Variants in ARFIP1 observed in about 807,000 individuals in gnomAD.
ARFIP1 encodes ARF interacting protein 1.
ARFIP1 carries 24 observed loss-of-function variants against 42.5 expected under a neutral mutation model. The observed-to-expected ratio is 0.57, with a 90% CI of 0.41 to 0.80. ARFIP1 has a LOEUF of 0.80. Among genes scored for constraint, ARFIP1 ranks in the 30% least tolerant of loss-of-function variants. ARFIP1 has a pLI of 0.00. For missense variants in ARFIP1, 354 were observed against 434.0 expected, an observed-to-expected ratio of 0.82 and a Z score of 1.64; for synonymous variants, 141 against 153.7, an observed-to-expected ratio of 0.92 and a Z score of 0.61.
At chr4:152,790,450 A>G (rs1487416248) in intron 1 of ARFIP1, among the ~76,000 whole-genome samples, 9 of 151,736 alleles carry the variant, frequency 5.9e-5, no homozygotes, top group African/African-American at 2.2e-4. Context: ...GAGTTAATTT[A>G]CAGCTAGTTT....
Position 152,889,518 on chromosome 4 carries a change from TATATATATATATATATAC to T in ARFIP1, c.966+1213_966+1230del, listed in dbSNP as rs1248475286. On this transcript the variant is annotated intron_variant, in intron 8 of 8. Coordinates refer to ENST00000353617, the MANE Select transcript of ARFIP1 (RefSeq NM_001025595.3). ...TTAGTCATATATATATATATATATA[TATATATATATATATATAC>T]ACCTATTTTTGTGTGTGTGTGTATA... 9.3e-4 allele frequency among the ~76,000 whole-genome samples: 80 copies of T among 85,846 alleles called. 2 individuals are homozygous for T. Among genetic ancestry groups the T allele is most frequent in the African/African-American group, 2.2e-3 (60 of 27,902 alleles). 56.3% of individuals were successfully genotyped at this position (85,846 alleles called of 152,430 possible).
chr4:152,887,573 A>T (rs1338415371), intron 7 of ARFIP1, among the ~76,000 whole-genome samples: 1 of 152,118 alleles, frequency 6.6e-6, no homozygotes, highest in Non-Finnish European at 1.5e-5. Flanking sequence ...TGCCACAATG[A>T]TTAATATTTT....
chr4:152,825,079 GAC>G (rs1261512578), intron 1 of ARFIP1, among the ~76,000 whole-genome samples: 2 of 151,610 alleles, frequency 1.3e-5, no homozygotes, highest in Non-Finnish European at 2.9e-5. Context: ...AATAATAGAT[GAC>G]ACAAACGAAT....
chr4:152,902,519 G>C (rs1737929567), intron 8 of ARFIP1, among the ~76,000 whole-genome samples: 1 of 152,074 alleles, frequency 6.6e-6, no homozygotes, highest in Admixed American at 6.6e-5. Flanking sequence ...GGGGTGGGCG[G>C]GGGGAGACTA....
At chr4:152,869,413 A>G (rs1734680220) in intron 3 of ARFIP1, among the ~76,000 whole-genome samples, 1 of 151,928 alleles carries the variant, frequency 6.6e-6, no homozygotes, top group South Asian at 2.1e-4. Flanking sequence ...GCTAGACATT[A>G]GCAACAATGT....
At chr4:152,796,191 A>G in intron 1 of ARFIP1, 1 of 771,168 alleles carries the variant, frequency 1.3e-6, no homozygotes, top group Non-Finnish European at 2.4e-6. Context: ...CCTCAGTGAC[A>G]GTCTTTAGTA....
intron 1 of ARFIP1, among the ~76,000 whole-genome samples, chr4:152,795,183 T>C (rs1314902578): frequency 6.6e-6 from 1 of 152,132 alleles, no homozygotes; most frequent in Non-Finnish European, 1.5e-5. Context: ...TGTTTGTTTG[T>C]TTGTTTGTTT....
chr4:152,824,823 A>G lies in ARFIP1; in HGVS notation c.-9-4802A>G, dbSNP rs1730686782. ...CTCCTCCAGAAGACTCCTCAATCAG[A>G]TAAATGAATTGAATAAAGTCTCAGT... On this transcript the variant is annotated intron_variant, in intron 1 of 8. Coordinates refer to ENST00000353617, the MANE Select transcript of ARFIP1 (RefSeq NM_001025595.3). Among the ~76,000 whole-genome samples, 3 of 152,212 alleles carry G rather than the reference A, an allele frequency of 2.0e-5. No individual in the cohort carries two copies. The South Asian group carries it at 6.2e-4, about 32-fold the overall frequency.
In ARFIP1 at chr4:152,892,186, C is replaced by T. The variant is rs1485665368; in HGVS notation, c.966+3879C>T. ...CCTCCCAAGCAGCTGGGACTACAGG[C>T]GCATGCCACCACATCCTGCTAGTCA... is the stretch of plus-strand genomic sequence containing the variant. On this transcript the variant is annotated intron_variant, in intron 8 of 8. Transcript: ENST00000353617. 2.6e-5 allele frequency among the ~76,000 whole-genome samples: 4 copies of T among 152,102 alleles called. No homozygotes were observed. In the East Asian group the frequency reaches 5.8e-4, roughly 22 times the overall value.
At chr4:152,788,707 C>T (rs530977821) in intron 1 of ARFIP1, among the ~76,000 whole-genome samples, 1 of 151,696 alleles carries the variant, frequency 6.6e-6, no homozygotes, top group East Asian at 1.9e-4. Context: ...AAACATACTA[C>T]ATTAGCATAG....
chr4:152,826,525 T>C (rs865939834), intron 1 of ARFIP1, among the ~76,000 whole-genome samples: 2 of 152,080 alleles, frequency 1.3e-5, no homozygotes, highest in Admixed American at 6.6e-5. Flanking sequence ...GGGTACAATG[T>C]ACACTACCGG....
At chr4:152,892,684 T>C (rs1306340828) in intron 8 of ARFIP1, among the ~76,000 whole-genome samples, 3 of 152,220 alleles carry the variant, frequency 2.0e-5, no homozygotes, top group African/African-American at 7.2e-5. Flanking sequence ...TTTCTGCATA[T>C]ATGTGTGATA....
intron 1 of ARFIP1, among the ~76,000 whole-genome samples, chr4:152,787,701 A>G (rs1438589383): frequency 6.6e-6 from 1 of 152,242 alleles, no homozygotes; most frequent in Non-Finnish European, 1.5e-5. Flanking sequence ...TATTAAAAGT[A>G]TTATATAAAA....
At chr4:152,787,725 A>G (rs756545155) in intron 1 of ARFIP1, among the ~76,000 whole-genome samples, 3 of 152,210 alleles carry the variant, frequency 2.0e-5, no homozygotes, top group Non-Finnish European at 2.9e-5. Flanking sequence ...CCTTCAAGCT[A>G]TGTGTATAAG....
intron 2 of ARFIP1, among the ~76,000 whole-genome samples, chr4:152,851,013 A>G (rs564373048): frequency 1.3e-5 from 2 of 152,378 alleles, no homozygotes; most frequent in African/African-American, 4.8e-5. Context: ...GAATTCATCA[A>G]ACATTTAACA....
At chr4:152,890,634 G>A (rs762850087) in intron 8 of ARFIP1, among the ~76,000 whole-genome samples, 2 of 152,142 alleles carry the variant, frequency 1.3e-5, no homozygotes, top group Non-Finnish European at 2.9e-5. Flanking sequence ...AAAATGGGAA[G>A]CTGGTGTGGC....
chr4:152,824,207 G>A (rs1361286617), intron 1 of ARFIP1, among the ~76,000 whole-genome samples: 2 of 151,878 alleles, frequency 1.3e-5, no homozygotes, highest in African/African-American at 4.8e-5. Flanking sequence ...CAGCTACTCG[G>A]GAGGCTGAGG....
chr4:152,828,632 C>G (rs1225514958), intron 1 of ARFIP1, among the ~76,000 whole-genome samples: 2 of 152,174 alleles, frequency 1.3e-5, no homozygotes, highest in African/African-American at 4.8e-5. Context: ...AGTCCTTTAT[C>G]AGATGTGTTC....
intron 8 of ARFIP1, among the ~76,000 whole-genome samples, chr4:152,898,737 G>T (rs1737567201): frequency 6.6e-6 from 1 of 152,138 alleles, no homozygotes; most frequent in Admixed American, 6.6e-5. Flanking sequence ...ACTTGAGCAG[G>T]ACCACACAAG....
Sources: allele counts gnomAD v4.1 joint callset (sites outside exome capture counted in the v4.1 genomes callset), GRCh38; gene constraint gnomAD v4.1.1; transcripts MANE v1.5; gene names NCBI Gene and HGNC (gene_info 2026-07-23, HGNC 2026-07-21).